AJAP1: variants seen among roughly 807,000 people sequenced by gnomAD.
AJAP1 encodes the protein adherens junctions associated protein 1.
AJAP1 carries 5 observed loss-of-function variants against 35.0 expected under a neutral mutation model. The ratio of observed to expected loss-of-function variants is 0.14; its 90% CI spans 0.07 to 0.30. AJAP1 has a LOEUF of 0.30. AJAP1 is among the 10% of genes least tolerant of loss of function. The pLI, the probability that AJAP1 is intolerant of heterozygous loss-of-function variation, is 1.00. For synonymous variants in AJAP1, 284 were observed against 249.3 expected, an observed-to-expected ratio of 1.14 and a Z score of -1.31; for missense variants, 586 against 571.0, an observed-to-expected ratio of 1.03 and a Z score of -0.27.
In AJAP1 at chr1:4,789,413, G is replaced by T. The variant is rs930498208; in HGVS notation, c.*6928G>T. The T allele has an allele frequency of 3.9e-5, 6 of 152,190 alleles. No individual in the cohort carries two copies. The highest frequency in any genetic ancestry group is 1.4e-4 in the African/African-American group (6 of 41,442). 9.4% of individuals were successfully genotyped at this position (152,190 alleles called of 1,614,324 possible). ...CATGCGGCAGGAAAGGATGCAGGGAGCATTGGACTGTAGGAAATTCTCCTT... is the reference window on the plus strand; with the variant it reads ...CATGCGGCAGGAAAGGATGCAGGGATCATTGGACTGTAGGAAATTCTCCTT... On this transcript the variant is annotated 3_prime_UTR_variant, in exon 6 of 6. Coordinates refer to ENST00000378191, the MANE Select transcript of AJAP1 (RefSeq NM_018836.4). This position sits in a 1 kb window ranked among gnomAD's most constrained non-coding sequence, Gnocchi z 4.4.
intron 1 of AJAP1, among the ~76,000 whole-genome samples, chr1:4,672,386 A>G (rs1214717855): frequency 6.6e-6 from 1 of 152,196 alleles, no homozygotes; most frequent in Non-Finnish European, 1.5e-5. Flanking sequence ...ACAGTGATGG[A>G]AGACTGGTTT....
chr1:4,663,071 A>G (rs1639038760), intron 1 of AJAP1, among the ~76,000 whole-genome samples: 1 of 152,182 alleles, frequency 6.6e-6, no homozygotes, highest in Admixed American at 6.5e-5. Flanking sequence ...CAGTGGGGCC[A>G]GTTTGGGGAA....
At chr1:4,740,785 CAAA>C (rs34897087) in intron 2 of AJAP1, among the ~76,000 whole-genome samples, 2 of 66,960 alleles carry the variant, frequency 3.0e-5, no homozygotes. Context: ...GACTCCGTCT[CAAA>C]AAAAAAAAAA....
At chr1:4,741,713 C>T (rs1641072629) in intron 2 of AJAP1, among the ~76,000 whole-genome samples, 1 of 152,198 alleles carries the variant, frequency 6.6e-6, no homozygotes, top group African/African-American at 2.4e-5. Flanking sequence ...GATGGGCATA[C>T]CCAGCACCCA....
At chr1:4,737,219 G>A (rs1477009183) in intron 2 of AJAP1, among the ~76,000 whole-genome samples, 4 of 152,124 alleles carry the variant, frequency 2.6e-5, no homozygotes, top group Non-Finnish European at 5.9e-5. Context: ...ACCCAGGCTG[G>A]GAGGAGGCTG....
Position 4,728,465 on chromosome 1 carries a change from G to A in AJAP1, c.829+15766G>A, listed in dbSNP as rs1277327677. Among the ~76,000 whole-genome samples the A allele has an allele frequency of 3.3e-5, 5 of 152,284 alleles. No individual in the cohort carries two copies. The East Asian group carries it at 9.7e-4, about 29-fold the overall frequency. Reference sequence around the variant, plus strand: ...CGTGTTCCCACCCAGCCCCGGGTTTGGGGTTTGGCATCTGAGTGACACCTG... The same window carrying A: ...CGTGTTCCCACCCAGCCCCGGGTTTAGGGTTTGGCATCTGAGTGACACCTG... On this transcript the variant is annotated intron_variant, in intron 2 of 5. Transcript: ENST00000378191.
At chr1:4,673,212 G>A (rs964962817) in intron 1 of AJAP1, among the ~76,000 whole-genome samples, 1 of 152,212 alleles carries the variant, frequency 6.6e-6, no homozygotes, top group Admixed American at 6.5e-5. Flanking sequence ...TGAGCTCATA[G>A]GTGGGGTTGG....
At chr1:4,746,489 G>A (rs974816459) in intron 2 of AJAP1, among the ~76,000 whole-genome samples, 18 of 152,018 alleles carry the variant, frequency 1.2e-4, no homozygotes, top group African/African-American at 3.4e-4. Flanking sequence ...GAGCAATAAC[G>A]GGTGGGACGG....
intron 1 of AJAP1, among the ~76,000 whole-genome samples, chr1:4,702,164 A>G (rs1400837525): frequency 6.6e-6 from 1 of 151,438 alleles, no homozygotes; most frequent in Non-Finnish European, 1.5e-5. Flanking sequence ...GTATTCTAAC[A>G]TGTCCCCAAT....
chr1:4,737,283 G>A (rs1055454066), intron 2 of AJAP1, among the ~76,000 whole-genome samples: 24 of 152,116 alleles, frequency 1.6e-4, no homozygotes, highest in Non-Finnish European at 2.6e-4. Flanking sequence ...GCCTGAGCCT[G>A]CCCCCTGGCT....
rs377155960 is a variant in AJAP1, at chr1:4,787,833, G to C, written c.*5348G>C. The stretch of plus-strand genomic sequence containing the variant: ...CCATTCTTCTTGGTGCCAGAAGGCA[G>C]CTGCATCTCCAGAAGCTCCCCCAGC... On this transcript the variant is annotated 3_prime_UTR_variant, in exon 6 of 6. Transcript: ENST00000378191. The C allele has an allele frequency of 4.4e-6, 2 of 451,070 alleles. No individual in the cohort carries two copies. Among genetic ancestry groups the C allele is most frequent in the East Asian group, 7.0e-5 (1 of 14,254 alleles). The allele number at this position is 451,070 out of a possible 1,614,324, so 27.9% of individuals were successfully genotyped here.
At chr1:4,736,755 T>C (rs1399500921) in intron 2 of AJAP1, among the ~76,000 whole-genome samples, 2 of 152,196 alleles carry the variant, frequency 1.3e-5, no homozygotes, top group Non-Finnish European at 1.5e-5. Flanking sequence ...GAAAAGGCCT[T>C]GTAGCTCAAA....
intron 2 of AJAP1, among the ~76,000 whole-genome samples, chr1:4,737,468 C>T (rs904096488): frequency 4.6e-5 from 7 of 151,870 alleles, no homozygotes; most frequent in Non-Finnish European, 1.0e-4. Flanking sequence ...AGTGCAAGTG[C>T]AAGCAGAGAC....
chr1:4,684,534 C>T (rs534693915), intron 1 of AJAP1, among the ~76,000 whole-genome samples: 1 of 152,132 alleles, frequency 6.6e-6, no homozygotes, highest in Non-Finnish European at 1.5e-5. Flanking sequence ...CTCAGGGGGA[C>T]CTTCTTTCCA....
intron 2 of AJAP1, among the ~76,000 whole-genome samples, chr1:4,758,407 T>A (rs1450507245): frequency 6.6e-6 from 1 of 152,182 alleles, no homozygotes; most frequent in African/African-American, 2.4e-5. Context: ...CTCACAGTTC[T>A]GCATGGCTGG....
chr1:4,775,984 G>A (rs1454683590), intron 5 of AJAP1, among the ~76,000 whole-genome samples: 1 of 152,238 alleles, frequency 6.6e-6, no homozygotes, highest in Non-Finnish European at 1.5e-5. Context: ...TGTAGGGACT[G>A]GGTCCTGATG....
chr1:4,670,679 G>A (rs367635317), intron 1 of AJAP1, among the ~76,000 whole-genome samples: 21 of 152,318 alleles, frequency 1.4e-4, no homozygotes, highest in East Asian at 1.2e-3. Context: ...GAGCCATGAC[G>A]AGTGCAGGTC....
intron 1 of AJAP1, among the ~76,000 whole-genome samples, chr1:4,673,624 A>C (rs927758097): frequency 2.0e-5 from 3 of 152,170 alleles, no homozygotes; most frequent in Admixed American, 6.5e-5. Flanking sequence ...TGGAGGGAGC[A>C]GGGGTCATGA....
chr1:4,782,066 T>C lies in AJAP1; in HGVS notation c.*60-479T>C, dbSNP rs185261152. 6.6e-6 allele frequency among the ~76,000 whole-genome samples: 1 copy of C among 152,256 alleles called. No homozygotes were observed. Among genetic ancestry groups the C allele is most frequent in the African/African-American group, 2.4e-5 (1 of 41,554 alleles). On this transcript the variant is annotated intron_variant, in intron 5 of 5. Coordinates refer to ENST00000378191, the MANE Select transcript of AJAP1 (RefSeq NM_018836.4). This position sits in a 1 kb window ranked among gnomAD's most constrained non-coding sequence, Gnocchi z 5.3. The stretch of plus-strand genomic sequence containing the variant: ...CCTCGGGGATCCTGCAGCTGAGTAG[T>C]GGACAGAAACAGACTCCCATTCTTC...
Sources: allele counts gnomAD v4.1 joint callset (sites outside exome capture counted in the v4.1 genomes callset), GRCh38; gene constraint gnomAD v4.1.1; non-coding constraint Gnocchi (gnomAD v3.1); transcripts MANE v1.5; gene names NCBI Gene and HGNC (gene_info 2026-07-23, HGNC 2026-07-21).